The following CATSPERB variants were observed in gnomAD, a reference collection of about 807,000 sequenced individuals.
CATSPERB encodes catsper channel auxiliary subunit beta, also known as cation channel sperm-associated auxiliary subunit beta.
In CATSPERB, 93 loss-of-function variants were observed where a neutral mutation model predicts 128.3. The observed-to-expected ratio is 0.72, with a 90% confidence interval of 0.61 to 0.86. CATSPERB has a LOEUF of 0.86. CATSPERB is among the 40% of genes least tolerant of loss of function. The pLI is 0.00. For missense variants in CATSPERB, 1,153 were observed against 1,329.5 expected (o/e 0.87, Z 2.06); for synonymous variants, 381 against 448.8 (o/e 0.85, Z 1.91).
intron 5 of CATSPERB, 99 bp downstream of exon 5, chr14:91,719,319 G>T: frequency 2.5e-6 from 2 of 813,206 alleles, no homozygotes; most frequent in South Asian, 2.3e-5. Flanking sequence ...GGATTTACAT[G>T]ACATAACAAA....
intron 25 of CATSPERB, among the ~76,000 whole-genome samples, 200 bp from the exon 26 acceptor site, chr14:91,587,476 A>ATTTTTTTTTTTTT (rs1893324019): frequency 1.3e-5 from 1 of 74,802 alleles, no homozygotes; most frequent in Non-Finnish European, 2.5e-5. Context: ...AATAGCTGAT[A>ATTTTTTTTTTTTT]CTTTTTTTTT....
rs1893191611 is a variant in CATSPERB at position 91,580,798 on chromosome 14, A to T, written c.*91T>A. ...TATAATGACAATTCTTTAGGATTTT[A>T]TGTAGCTTGCATATTTAACATTTAA... On this transcript the variant is annotated 3_prime_UTR_variant, in exon 27 of 27. Coordinates refer to ENST00000256343, the MANE Select transcript of CATSPERB (RefSeq NM_024764.4). 4 of 941,250 alleles carry T rather than the reference A, an allele frequency of 4.2e-6. No homozygotes were observed. Among genetic ancestry groups the T allele is most frequent in the Non-Finnish European group, 6.5e-6 (4 of 618,706 alleles). 58.3% of individuals were successfully genotyped at this position (941,250 alleles called of 1,614,324 possible). A position where few individuals can be genotyped will look rare whatever the true frequency, so the allele number is the denominator to read the frequency against.
intron 26 of CATSPERB, among the ~76,000 whole-genome samples, chr14:91,582,672 T>C (rs2139752109): frequency 6.6e-6 from 1 of 152,288 alleles, no homozygotes; most frequent in East Asian, 1.9e-4. Context: ...TGCTTACTCA[T>C]AAGCCAGTCA....
Position 91,624,177 on chromosome 14 carries a change from G to A in CATSPERB, c.1930+643C>T, listed in dbSNP as rs760102078. Among the ~76,000 whole-genome samples the A allele has an allele frequency of 1.1e-4, 16 of 152,064 alleles. No homozygotes were observed. In the South Asian group the frequency reaches 2.1e-3, roughly 20 times the overall value. On this transcript the variant is annotated intron_variant, in intron 18 of 26. Coordinates refer to ENST00000256343, the MANE Select transcript of CATSPERB (RefSeq NM_024764.4). ...AGCCTGGCTAACAAGGTGAAACCCCGTCTCCTAAAAAGACAAAAATTAGGC... is the reference window on the plus strand; with the variant it reads ...AGCCTGGCTAACAAGGTGAAACCCCATCTCCTAAAAAGACAAAAATTAGGC...
At chr14:91,714,277 C>CAAACAAAAAAAA (rs1895895771) in intron 5 of CATSPERB, among the ~76,000 whole-genome samples, 1 of 111,296 alleles carries the variant, frequency 9.0e-6, no homozygotes, top group Non-Finnish European at 1.8e-5. Context: ...TACAATAAGG[C>CAAACAAAAAAAA]AAAAAAAAAA....
rs1432338992 is a variant in CATSPERB at position 91,725,353 on chromosome 14, T to A, written c.80-185A>T. On this transcript the variant is annotated intron_variant, in intron 2 of 26. Transcript: ENST00000256343. ...TTCTTTTTACACATATGCTATAAGG[T>A]ATGTTTAGAAACGGAAGGTTTGGCT... Among the ~76,000 whole-genome samples the A allele has an allele frequency of 2.6e-5, 4 of 152,178 alleles. No homozygotes were observed. In the East Asian group the frequency reaches 7.7e-4, roughly 29 times the overall value.
At position 91,673,020 on chromosome 14, in the gene CATSPERB, T is replaced by TA. The variant is rs763663848; in HGVS notation, c.979-5dup. The TA allele has an allele frequency of 5.4e-5, 84 of 1,566,340 alleles. No homozygotes were observed. Among genetic ancestry groups the TA allele is most frequent in the Admixed American group, 1.8e-4 (8 of 44,348 alleles). On this transcript the variant is annotated splice_polypyrimidine_tract_variant and splice_region_variant and intron_variant, in intron 12 of 26. Transcript: ENST00000256343. ...GACTATAAAAACAAGAGCTTGACTA[T>TA]AAAAAAAAGAAGGGAAAAATTAATG...
rs530714351 is a variant in CATSPERB, at chr14:91,666,357, T to C, written c.1287+3457A>G. 3.9e-5 allele frequency among the ~76,000 whole-genome samples: 6 copies of C among 152,142 alleles called. No individual in the cohort carries two copies. In the East Asian group the frequency reaches 1.2e-3, roughly 29 times the overall value. ...GCGAGATAGCCAGGCCCCTCTATAC[T>C]CTAATCAAGGAGACCCGGAGGGCAA... On this transcript the variant is annotated intron_variant, in intron 14 of 26. Transcript: ENST00000256343.
At chr14:91,724,531 T>C (rs929906812) in intron 3 of CATSPERB, among the ~76,000 whole-genome samples, 1 of 152,228 alleles carries the variant, frequency 6.6e-6, no homozygotes, top group East Asian at 1.9e-4. Flanking sequence ...ATATTTATCA[T>C]AGATTTTTAG....
At position 91,610,802 on chromosome 14, in the gene CATSPERB, TA is replaced by T. The variant is rs1893811448; in HGVS notation, c.2401-126del. On this transcript the variant is annotated intron_variant, in intron 20 of 26. Transcript: ENST00000256343. ...CTCAAAATGTGGCTGTATTTGGAGA[TA>T]GGGCCTTTAAGGAGGTAATTAAGGT... The T allele has an allele frequency of 3.4e-6, 3 of 880,014 alleles. No homozygotes were observed. In the South Asian group the frequency reaches 5.1e-5, roughly 15 times the overall value. 54.5% of individuals were successfully genotyped at this position (880,014 alleles called of 1,614,324 possible).
Position 91,591,939 on chromosome 14 carries a change from C to G in CATSPERB, c.2773G>C (p.Asp925His). 1 of 1,614,072 alleles carries G rather than the reference C, an allele frequency of 6.2e-7. No homozygotes were observed. The highest frequency in any genetic ancestry group is 8.5e-7 in the Non-Finnish European group (1 of 1,179,984). Residue 925 changes from aspartate to histidine, a missense_variant, in exon 23 of 27, where the codon GAT becomes CAT. Transcript: ENST00000256343. ...STREECNCTK[D>H]QKFSHAVAFS... The stretch of plus-strand genomic sequence containing the variant: ...GCAACAGCATGTGAAAACTTCTGAT[C>G]CTTTGTGCAGTTACACTCCTCCCGA...
intron 14 of CATSPERB, among the ~76,000 whole-genome samples, chr14:91,669,051 C>T (rs149431087): frequency 1.1e-4 from 17 of 152,228 alleles, no homozygotes; most frequent in African/African-American, 4.1e-4. Context: ...TATAAATTAC[C>T]CCGTCTCGGA....
chr14:91,592,185 C>A (rs918742929), intron 22 of CATSPERB, 183 bp from the exon 23 acceptor site: 2 of 593,820 alleles, frequency 3.4e-6, no homozygotes, highest in African/African-American at 1.9e-5. Flanking sequence ...TTTTAGTTGC[C>A]CCCTTGCTTG....
At chr14:91,710,962 A>G (rs1348241671) in intron 5 of CATSPERB, among the ~76,000 whole-genome samples, 1 of 152,150 alleles carries the variant, frequency 6.6e-6, no homozygotes, top group Non-Finnish European at 1.5e-5. Flanking sequence ...TCTCCACAGG[A>G]TTCTGAACTT....
chr14:91,594,342 G>A (rs1289949175), intron 22 of CATSPERB, among the ~76,000 whole-genome samples: 3 of 152,066 alleles, frequency 2.0e-5, no homozygotes, highest in Non-Finnish European at 4.4e-5. Flanking sequence ...TGGGGGGATG[G>A]GGGAGGGATA....
chr14:91,626,588 CCT>C (rs1255105053), intron 17 of CATSPERB, among the ~76,000 whole-genome samples: 4 of 152,042 alleles, frequency 2.6e-5, no homozygotes, highest in African/African-American at 7.2e-5. Flanking sequence ...CTTCCCTCCC[CCT>C]GTCTTTCTCT....
chr14:91,690,283 G>A (rs550169806), intron 10 of CATSPERB, among the ~76,000 whole-genome samples: 1 of 152,240 alleles, frequency 6.6e-6, no homozygotes, highest in African/African-American at 2.4e-5. Flanking sequence ...GTGGGCTATC[G>A]CGCCTGGCCA....
At chr14:91,690,293 A>G (rs959190482) in intron 10 of CATSPERB, among the ~76,000 whole-genome samples, 1 of 152,036 alleles carries the variant, frequency 6.6e-6, no homozygotes, top group Non-Finnish European at 1.5e-5. Context: ...GCGCCTGGCC[A>G]TAACTTATTT....
intron 17 of CATSPERB, among the ~76,000 whole-genome samples, chr14:91,629,033 C>T (rs534733924): frequency 4.5e-4 from 69 of 152,238 alleles, no homozygotes; most frequent in African/African-American, 1.5e-3. Flanking sequence ...CCAAATGAGT[C>T]GAAAACTTAT....
Sources: gnomAD v4.1 joint callset for allele counts (sites outside exome capture counted in the v4.1 genomes callset) on GRCh38, gnomAD v4.1.1 for gene constraint, MANE v1.5 for transcripts, NCBI Gene and HGNC (gene_info 2026-07-23, HGNC 2026-07-21) for gene names.